The following STX8 variants were observed in gnomAD, a reference collection of about 807,000 sequenced individuals.
STX8 encodes the protein syntaxin 8, also known as syntaxin-8.
In STX8, 23 loss-of-function variants were observed where a neutral mutation model predicts 37.5. That is an observed-to-expected ratio of 0.61 (90% CI 0.44 to 0.87). The LOEUF (loss-of-function observed/expected upper bound fraction) is 0.87, where lower values mean the gene tolerates loss of function less well. Among genes scored for constraint, STX8 ranks in the 40% least tolerant of loss-of-function variants. The probability of loss-of-function intolerance (pLI) is 0.00; values close to 1 mark genes in which losing one functional copy is unlikely to be tolerated. For synonymous variants in STX8, 115 were observed against 99.1 expected, an observed-to-expected ratio of 1.16 and a Z score of -0.95; for missense variants, 313 against 284.7, an observed-to-expected ratio of 1.10 and a Z score of -0.71.
chr17:9,510,696 T>C lies in STX8; in HGVS notation c.324-5534A>G, dbSNP rs1418983950. Among the ~76,000 whole-genome samples the C allele has an allele frequency of 2.0e-5, 3 of 151,888 alleles. No homozygotes were observed. The East Asian group carries it at 5.8e-4, about 29-fold the overall frequency. The stretch of plus-strand genomic sequence containing the variant: ...AAAGATTTCAAATACCCTAACAATG[T>C]ATCTCAAGGAAACTAGGAAAACAAG... On this transcript the variant is annotated intron_variant, in intron 4 of 7. Transcript: ENST00000306357.
intron 7 of STX8, among the ~76,000 whole-genome samples, chr17:9,343,917 A>C (rs1431038313): frequency 6.6e-5 from 10 of 152,128 alleles, no homozygotes; most frequent in African/African-American, 2.4e-4. Flanking sequence ...AATTCAAGTT[A>C]ATTTTCACCC....
chr17:9,551,899 G>C (rs191327563), intron 3 of STX8, among the ~76,000 whole-genome samples: 21 of 151,668 alleles, frequency 1.4e-4, no homozygotes, highest in African/African-American at 4.6e-4. Context: ...ACTAGGGGGG[G>C]GTGTAACTTA....
At chr17:9,469,613 C>T (rs1224340543) in intron 6 of STX8, 1 of 152,204 alleles carries the variant, frequency 6.6e-6, no homozygotes, top group South Asian at 2.1e-4. Flanking sequence ...TCCTAAAGCT[C>T]TCTGTCCATT....
At chr17:9,504,337 TAA>T (rs771865356) in intron 5 of STX8, among the ~76,000 whole-genome samples, 10 of 141,978 alleles carry the variant, frequency 7.0e-5, no homozygotes, top group African/African-American at 2.6e-4. Context: ...TAAGAAAGTT[TAA>T]AAAAAAAAAG....
intron 3 of STX8, among the ~76,000 whole-genome samples, chr17:9,547,768 T>C (rs1906600032): frequency 7.8e-6 from 1 of 128,994 alleles, no homozygotes; most frequent in South Asian, 2.7e-4. Context: ...CATTCTTTCC[T>C]TTTCTTTTCT....
intron 7 of STX8, among the ~76,000 whole-genome samples, chr17:9,326,541 T>A (rs1385894251): frequency 6.6e-6 from 1 of 152,218 alleles, no homozygotes; most frequent in Non-Finnish European, 1.5e-5. Context: ...TTTCTGTTGC[T>A]CATAGCTACG....
chr17:9,496,982 T>G (rs1904429018), intron 5 of STX8, among the ~76,000 whole-genome samples: 1 of 152,220 alleles, frequency 6.6e-6, no homozygotes, highest in African/African-American at 2.4e-5. Context: ...GTGTTTTAAG[T>G]CACTAAGTTT....
At chr17:9,269,451 C>A (rs1418292516) in intron 7 of STX8, among the ~76,000 whole-genome samples, 2 of 152,172 alleles carry the variant, frequency 1.3e-5, no homozygotes, top group East Asian at 3.9e-4. Flanking sequence ...ATACCAGGGA[C>A]GTGTGTATCA....
At chr17:9,484,099 G>A (rs1364238375) in intron 6 of STX8, among the ~76,000 whole-genome samples, 3 of 152,080 alleles carry the variant, frequency 2.0e-5, no homozygotes, top group South Asian at 4.1e-4. Context: ...TAGTGATCTT[G>A]ATTTCTGGAA....
chr17:9,395,105 C>T (rs1276817262), intron 6 of STX8, among the ~76,000 whole-genome samples: 5 of 151,454 alleles, frequency 3.3e-5, no homozygotes, highest in African/African-American at 1.2e-4. Context: ...ACAAATTCTT[C>T]CACACCCCTC....
chr17:9,403,393 C>A (rs574979629), intron 6 of STX8, among the ~76,000 whole-genome samples: 1 of 152,228 alleles, frequency 6.6e-6, no homozygotes, highest in South Asian at 2.1e-4. Flanking sequence ...AATCATAGAA[C>A]AATAAACACT....
chr17:9,420,052 G>A (rs958898895), intron 6 of STX8, among the ~76,000 whole-genome samples: 10 of 152,282 alleles, frequency 6.6e-5, no homozygotes, highest in South Asian at 2.1e-4. Flanking sequence ...TTAGTGTTGG[G>A]CTGTTTAGAT....
chr17:9,395,083 A>G (rs1220356969), intron 6 of STX8, among the ~76,000 whole-genome samples: 1 of 151,854 alleles, frequency 6.6e-6, no homozygotes, highest in Non-Finnish European at 1.5e-5. Flanking sequence ...CTCAAAAAAA[A>G]AAAAAGTTTA....
In STX8 at chr17:9,549,880, A is replaced by G. The variant is rs563071493; in HGVS notation, c.213-4598T>C. Among the ~76,000 whole-genome samples the G allele has an allele frequency of 7.2e-5, 11 of 152,268 alleles. 1 individual carries two copies. The highest frequency in any genetic ancestry group is 2.6e-4 in the African/African-American group (11 of 41,566). ...CAGGTGCGTAGCAGTTGGGTAAAGT[A>G]GGGTAGTGGGGAAACAGTGTGCCTG... On this transcript the variant is annotated intron_variant, in intron 3 of 7. Transcript: ENST00000306357.
chr17:9,299,737 C>T (rs1350251288), intron 7 of STX8, among the ~76,000 whole-genome samples: 1 of 152,048 alleles, frequency 6.6e-6, no homozygotes, highest in Admixed American at 6.6e-5. Context: ...CCACCGTGCT[C>T]GGGCCATTCT....
chr17:9,320,819 T>C (rs1391148754), intron 7 of STX8, among the ~76,000 whole-genome samples: 1 of 151,070 alleles, frequency 6.6e-6, no homozygotes, highest in Non-Finnish European at 1.5e-5. Context: ...GAGAATCACT[T>C]GAACCCAGGA....
At chr17:9,418,401 A>G (rs1190108211) in intron 6 of STX8, among the ~76,000 whole-genome samples, 1 of 152,022 alleles carries the variant, frequency 6.6e-6, no homozygotes, top group Non-Finnish European at 1.5e-5. Context: ...CCCCATTAGG[A>G]GATGGTTCTA....
chr17:9,557,562 G>A (rs1907030550), intron 2 of STX8, 34 bp from the exon 3 acceptor site: 1 of 1,577,336 alleles, frequency 6.3e-7, no homozygotes, highest in Admixed American at 1.7e-5. Context: ...AAGTATTCTA[G>A]TCCAGAATGT....
At chr17:9,251,047 C>T (rs1345638181) in intron 7 of STX8, among the ~76,000 whole-genome samples, 1 of 152,190 alleles carries the variant, frequency 6.6e-6, no homozygotes, top group East Asian at 1.9e-4. Context: ...ATTCTAGAAC[C>T]CATTTCTCCA....
Sources: gnomAD v4.1 joint callset for allele counts (sites outside exome capture counted in the v4.1 genomes callset) on GRCh38, gnomAD v4.1.1 for gene constraint, MANE v1.5 for transcripts, NCBI Gene and HGNC (gene_info 2026-07-23, HGNC 2026-07-21) for gene names.